The following RAD51B variants were observed in gnomAD, a reference collection of about 807,000 sequenced individuals.
RAD51B encodes RAD51 paralog B.
A neutral mutation model predicts 42.2 loss-of-function variants in RAD51B; 38 were observed. The observed-to-expected ratio is 0.90, with a 90% CI of 0.70 to 1.18. The LOEUF is 1.18. Among genes scored for constraint, RAD51B ranks in the 50% most tolerant of loss-of-function variants. The pLI is 0.00. For synonymous variants in RAD51B, 154 were observed against 145.2 expected (o/e 1.06, Z -0.43); for missense variants, 373 against 400.7 (o/e 0.93, Z 0.59).
intron 7 of RAD51B, among the ~76,000 whole-genome samples, chr14:68,102,000 C>T (rs2077298660): frequency 6.6e-6 from 1 of 152,192 alleles, no homozygotes; most frequent in South Asian, 2.1e-4. Flanking sequence ...ATCCATAGGT[C>T]CAACACCACA....
chr14:68,392,209 C>G (rs1251875587), intron 8 of RAD51B, among the ~76,000 whole-genome samples: 2 of 152,208 alleles, frequency 1.3e-5, no homozygotes, highest in African/African-American at 4.8e-5. Flanking sequence ...ACCACCACTA[C>G]AGGGTACATT....
At chr14:68,298,647 C>T (rs2081659431) in intron 8 of RAD51B, among the ~76,000 whole-genome samples, 1 of 152,114 alleles carries the variant, frequency 6.6e-6, no homozygotes, top group South Asian at 2.1e-4. Flanking sequence ...ACAAAAACAC[C>T]AAGGCATCTT....
intron 8 of RAD51B, among the ~76,000 whole-genome samples, chr14:68,355,176 A>G (rs1017828199): frequency 2.0e-5 from 3 of 152,060 alleles, no homozygotes; most frequent in Non-Finnish European, 4.4e-5. Context: ...TGTATTTTTT[A>G]TGTCCCATTT....
At chr14:68,514,685 GATTTGCCTGGGGCTGGAAGGAAGTT>G (rs1421410243) in intron 10 of RAD51B, among the ~76,000 whole-genome samples, 18 of 152,302 alleles carry the variant, frequency 1.2e-4, no homozygotes, top group Middle Eastern at 6.8e-3. Context: ...TGGAAGTTGG[GATTTGCCTGGGGCTGGAAGGAAGTT>G]ATTTGCCAGG....
chr14:67,957,612 C>T (rs2074577529), intron 7 of RAD51B, among the ~76,000 whole-genome samples: 1 of 152,114 alleles, frequency 6.6e-6, no homozygotes, highest in South Asian at 2.1e-4. Context: ...AATGATAGTA[C>T]CATTTATAAC....
chr14:68,218,911 A>G (rs998001169), intron 7 of RAD51B, among the ~76,000 whole-genome samples: 1 of 152,238 alleles, frequency 6.6e-6, no homozygotes, highest in African/African-American at 2.4e-5. Context: ...GGTCATGGAC[A>G]GTGATAGGGG....
At chr14:68,448,877 A>G (rs1212738180) in intron 9 of RAD51B, among the ~76,000 whole-genome samples, 1 of 152,226 alleles carries the variant, frequency 6.6e-6, no homozygotes, top group African/African-American at 2.4e-5. Context: ...ACAAAAAAGT[A>G]ATGCATGCTA....
chr14:68,583,496 C>T (rs1890307594), intron 10 of RAD51B, among the ~76,000 whole-genome samples: 2 of 152,354 alleles, frequency 1.3e-5, no homozygotes, highest in South Asian at 2.1e-4. Context: ...TCTCCTCTTG[C>T]CTTGACAAAC....
At chr14:67,900,598 T>TTGTGTGTGTG (rs142144274) in intron 7 of RAD51B, among the ~76,000 whole-genome samples, 136 of 142,262 alleles carry the variant, frequency 9.6e-4, no homozygotes, top group African/African-American at 2.7e-3. Flanking sequence ...TTCTTTCAGT[T>TTGTGTGTGTG]TGTGTGTGTG....
chr14:68,559,611 C>T lies in RAD51B; in HGVS notation c.1037-34874C>T, dbSNP rs11844543. 3.6e-3 allele frequency among the ~76,000 whole-genome samples: 551 copies of T among 152,158 alleles called. 7 individuals are homozygous for T. The highest frequency in any genetic ancestry group is 0.013 in the African/African-American group (529 of 41,504). On this transcript the variant is annotated intron_variant, in intron 10 of 10. Transcript: ENST00000487270. ...GCCAGGCTGGTCTCGAACTCCTGAC[C>T]TCATGTGATCCACCTGCCTCAGCCT...
intron 10 of RAD51B, among the ~76,000 whole-genome samples, chr14:68,472,894 A>C (rs1566903970): frequency 6.6e-6 from 1 of 152,244 alleles, no homozygotes; most frequent in Non-Finnish European, 1.5e-5. Context: ...TTGCTTTTGC[A>C]ATCAAGAACA....
chr14:68,301,592 GTTTTTTTTTT>G (rs139865933), intron 8 of RAD51B, among the ~76,000 whole-genome samples: 3 of 109,778 alleles, frequency 2.7e-5, no homozygotes, highest in Non-Finnish European at 3.7e-5. Flanking sequence ...TTGTTTGTGT[GTTTTTTTTTT>G]TTTTTTTTTT....
At chr14:68,219,370 GC>G (rs1276608646) in intron 7 of RAD51B, among the ~76,000 whole-genome samples, 1 of 152,048 alleles carries the variant, frequency 6.6e-6, no homozygotes, top group Non-Finnish European at 1.5e-5. Flanking sequence ...TCACCTTCTA[GC>G]CAGTGGCCAA....
At chr14:68,549,215 G>A (rs907642609) in intron 10 of RAD51B, among the ~76,000 whole-genome samples, 1 of 151,304 alleles carries the variant, frequency 6.6e-6, no homozygotes, top group Non-Finnish European at 1.5e-5. Context: ...GAACATCCCC[G>A]TTTTTGAGCC....
rs903503158 is a variant in RAD51B, at chr14:68,681,550, C to T, written c.*11+30694C>T. 2.0e-5 allele frequency among the ~76,000 whole-genome samples: 3 copies of T among 152,156 alleles called. No homozygotes were observed. The South Asian group carries it at 6.2e-4, about 32-fold the overall frequency. On this transcript the variant is annotated intron_variant, in intron 11 of 11. Transcript: ENST00000488612. The stretch of plus-strand genomic sequence containing the variant: ...GAAAAGGCAGGCAAGATGGAGCAGG[C>T]AGGTGCCTTTTGTCTGGGTTTGACA...
intron 10 of RAD51B, among the ~76,000 whole-genome samples, chr14:68,532,131 T>C (rs573706682): frequency 6.6e-6 from 1 of 152,322 alleles, no homozygotes; most frequent in African/African-American, 2.4e-5. Flanking sequence ...TAGAGATATT[T>C]TCTGACCACA....
chr14:67,942,881 T>C (rs1380255367), intron 7 of RAD51B, among the ~76,000 whole-genome samples: 1 of 152,166 alleles, frequency 6.6e-6, no homozygotes, highest in Non-Finnish European at 1.5e-5. Context: ...AAATAGGTGT[T>C]GTTTCTCTCG....
At chr14:68,593,332 G>A (rs1890840789) in intron 10 of RAD51B, among the ~76,000 whole-genome samples, 1 of 152,248 alleles carries the variant, frequency 6.6e-6, no homozygotes, top group South Asian at 2.1e-4. Flanking sequence ...GAGGCTCTTG[G>A]AACAGGGCCA....
At chr14:68,557,482 G>A (rs1722548483) in intron 10 of RAD51B, among the ~76,000 whole-genome samples, 1 of 152,142 alleles carries the variant, frequency 6.6e-6, no homozygotes, top group African/African-American at 2.4e-5. Context: ...ATAAGTCTAG[G>A]ACTGTCTGTA....
Sources: allele counts gnomAD v4.1 joint callset (sites outside exome capture counted in the v4.1 genomes callset), GRCh38; gene constraint gnomAD v4.1.1; transcripts MANE v1.5; gene names NCBI Gene and HGNC (gene_info 2026-07-23, HGNC 2026-07-21).